Variants in RRP15 observed in about 807,000 individuals in gnomAD.
The protein encoded by RRP15 is ribosomal RNA processing 15 homolog.
Under a neutral mutation model 27.1 loss-of-function variants are expected in RRP15, and 18 were observed. The ratio of observed to expected loss-of-function variants is 0.66; its 90% CI spans 0.46 to 0.98. RRP15 has a LOEUF of 0.98. RRP15 is among the 50% of genes least tolerant of loss of function. The pLI is 0.00. For synonymous variants in RRP15, 107 were observed against 109.4 expected, an observed-to-expected ratio of 0.98 and a Z score of 0.14; for missense variants, 359 against 337.8, an observed-to-expected ratio of 1.06 and a Z score of -0.49.
At chr1:218,309,683 A>AG (rs1655960844) in intron 4 of RRP15, among the ~76,000 whole-genome samples, 1 of 108,534 alleles carries the variant, frequency 9.2e-6, no homozygotes, top group African/African-American at 6.3e-5. Flanking sequence ...ACTCCATCTC[A>AG]AAAAAAAAAA....
chr1:218,311,641 C>G (rs907411952), intron 4 of RRP15, among the ~76,000 whole-genome samples: 2 of 152,214 alleles, frequency 1.3e-5, no homozygotes, highest in Admixed American at 1.3e-4. Context: ...TATCCCCTTC[C>G]TGGGAATTCC....
intron 2 of RRP15, among the ~76,000 whole-genome samples, chr1:218,304,732 A>G (rs913473462): frequency 1.3e-5 from 2 of 152,200 alleles, no homozygotes; most frequent in African/African-American, 4.8e-5. Context: ...CAGAGCAGGC[A>G]TGTGGCTCCC....
At chr1:218,309,041 C>G (rs1387590617) in intron 4 of RRP15, among the ~76,000 whole-genome samples, 1 of 152,152 alleles carries the variant, frequency 6.6e-6, no homozygotes, top group Non-Finnish European at 1.5e-5. Context: ...TGAAAATACA[C>G]AACAGATTCT....
In RRP15 at chr1:218,305,133, A is replaced by G. The variant is rs762913589; in HGVS notation, c.503+8A>G. 60 of 1,600,772 alleles carry G rather than the reference A, an allele frequency of 3.7e-5. No homozygotes were observed. Among genetic ancestry groups the G allele is most frequent in the Non-Finnish European group, 4.9e-5 (57 of 1,168,730 alleles). On this transcript the variant is annotated splice_region_variant and intron_variant, in intron 3 of 4. Transcript: ENST00000366932. ...TCAGAGAATTGCAACAAGGTAAGGT[A>G]GTGTTTTTGCCCTTTAAAAAATAAG...
chr1:218,316,835 G>T (rs1446836418), intron 4 of RRP15, among the ~76,000 whole-genome samples: 1 of 152,144 alleles, frequency 6.6e-6, no homozygotes, highest in Non-Finnish European at 1.5e-5. Flanking sequence ...ATTTGAAGGG[G>T]AACTCTTACT....
intron 4 of RRP15, among the ~76,000 whole-genome samples, chr1:218,310,799 AGTG>A (rs1655982973): frequency 6.6e-6 from 1 of 151,540 alleles, no homozygotes; most frequent in Non-Finnish European, 1.5e-5. Context: ...CCCAGGCAGG[AGTG>A]CAGTGGAGCA....
intron 4 of RRP15, among the ~76,000 whole-genome samples, chr1:218,325,588 G>A (rs1415108866): frequency 2.0e-5 from 3 of 151,952 alleles, no homozygotes; most frequent in Non-Finnish European, 2.9e-5. Flanking sequence ...TGAATCTTTC[G>A]ATTTCTGATT....
chr1:218,312,632 T>G (rs1261277611), intron 4 of RRP15, among the ~76,000 whole-genome samples: 1 of 152,138 alleles, frequency 6.6e-6, no homozygotes, highest in Non-Finnish European at 1.5e-5. Flanking sequence ...TTTGCCAAAT[T>G]GTTTTAGTAG....
At chr1:218,293,384 T>A (rs1232335070) in intron 1 of RRP15, among the ~76,000 whole-genome samples, 1 of 152,238 alleles carries the variant, frequency 6.6e-6, no homozygotes, top group East Asian at 1.9e-4. Flanking sequence ...CATGTGGTCT[T>A]GGTTAAACTA....
At chr1:218,314,477 C>T (rs761232873) in intron 4 of RRP15, among the ~76,000 whole-genome samples, 3 of 151,956 alleles carry the variant, frequency 2.0e-5, no homozygotes, top group South Asian at 4.1e-4. Flanking sequence ...CTCTAAAGGC[C>T]GACAGAAGCG....
intron 1 of RRP15, among the ~76,000 whole-genome samples, chr1:218,292,547 C>G (rs967362948): frequency 2.0e-5 from 3 of 152,216 alleles, no homozygotes; most frequent in Admixed American, 1.3e-4. Context: ...AGACTCCAAC[C>G]CTTCACTGCT....
At chr1:218,288,228 A>G (rs919703325) in intron 1 of RRP15, among the ~76,000 whole-genome samples, 6 of 152,188 alleles carry the variant, frequency 3.9e-5, no homozygotes, top group Admixed American at 1.3e-4. Context: ...GCAAAATTCT[A>G]TGTTAGGATC....
At chr1:218,291,805 C>T (rs993679755) in intron 1 of RRP15, among the ~76,000 whole-genome samples, 33 of 152,032 alleles carry the variant, frequency 2.2e-4, no homozygotes, top group Non-Finnish European at 1.2e-4. Context: ...GTTGGGATTA[C>T]AGGCGTGAGC....
intron 4 of RRP15, among the ~76,000 whole-genome samples, chr1:218,322,032 G>A (rs1656194864): frequency 6.6e-6 from 1 of 152,010 alleles, no homozygotes; most frequent in Non-Finnish European, 1.5e-5. Context: ...TCAGCATTTT[G>A]CATGTATTTT....
intron 3 of RRP15, among the ~76,000 whole-genome samples, chr1:218,306,225 A>G (rs568239173): frequency 2.7e-4 from 41 of 152,262 alleles, no homozygotes; most frequent in Non-Finnish European, 5.1e-4. Flanking sequence ...ATCAAAGACA[A>G]AGGACTTTAT....
At chr1:218,296,941 C>T (rs1655726175) in intron 1 of RRP15, among the ~76,000 whole-genome samples, 1 of 152,080 alleles carries the variant, frequency 6.6e-6, no homozygotes, top group Non-Finnish European at 1.5e-5. Context: ...TTTTTAAGCT[C>T]TCTTCTCTGT....
intron 1 of RRP15, among the ~76,000 whole-genome samples, chr1:218,289,058 A>G (rs1236891940): frequency 6.6e-6 from 1 of 152,236 alleles, no homozygotes; most frequent in Non-Finnish European, 1.5e-5. Flanking sequence ...TTGTTGTAAC[A>G]ATTAAATGAG....
At chr1:218,309,127 A>G (rs549487534) in intron 4 of RRP15, among the ~76,000 whole-genome samples, 45 of 152,254 alleles carry the variant, frequency 3.0e-4, no homozygotes, top group Admixed American at 2.5e-3. Flanking sequence ...CAGTGATCAC[A>G]GTATTTGTAA....
chr1:218,306,241 A>G (rs1011682953), intron 3 of RRP15, among the ~76,000 whole-genome samples: 2 of 152,190 alleles, frequency 1.3e-5, no homozygotes, highest in Non-Finnish European at 2.9e-5. Context: ...TTTATTATTC[A>G]TGGCAAAAAC....
Sources: gnomAD v4.1 joint callset for allele counts (sites outside exome capture counted in the v4.1 genomes callset) on GRCh38, gnomAD v4.1.1 for gene constraint, MANE v1.5 for transcripts, NCBI Gene and HGNC (gene_info 2026-07-23, HGNC 2026-07-21) for gene names.